The following MAF variants were observed in gnomAD, a reference collection of about 807,000 sequenced individuals.
MAF encodes the protein MAF bZIP transcription factor.
Under a neutral mutation model 22.0 loss-of-function variants are expected in MAF, and 10 were observed. The observed-to-expected ratio is 0.45, with a 90% confidence interval of 0.28 to 0.77. MAF has a LOEUF of 0.77. MAF is among the 30% of genes least tolerant of loss of function. MAF has a pLI of 0.12. For missense variants in MAF, 544 were observed against 548.4 expected (o/e 0.99, Z 0.08); for synonymous variants, 337 against 255.8 (o/e 1.32, Z -3.03).
the MAF span, among the ~76,000 whole-genome samples, chr16:79,548,442 A>C: frequency 6.6e-6 from 1 of 152,230 alleles, no homozygotes; most frequent in African/African-American, 2.4e-5. Context: ...TAACAAGGAA[A>C]AAACAGCTTT....
the MAF span, among the ~76,000 whole-genome samples, chr16:79,363,009 A>G: frequency 6.6e-6 from 1 of 152,296 alleles, no homozygotes; most frequent in African/African-American, 2.4e-5. Flanking sequence ...TTTCAACTGC[A>G]AAGTCATTTC....
chr16:79,448,186 A>C, the MAF span, among the ~76,000 whole-genome samples: 970 of 152,278 alleles, frequency 6.4e-3, 10 homozygotes, highest in Middle Eastern at 0.024. Flanking sequence ...CATGCCACAG[A>C]GAAATTGTTA....
At chr16:79,477,456 A>T in the MAF span, among the ~76,000 whole-genome samples, 1 of 152,196 alleles carries the variant, frequency 6.6e-6, no homozygotes, top group Non-Finnish European at 1.5e-5. Flanking sequence ...CATTTGCCTC[A>T]TATTCTCTTC....
the MAF span, among the ~76,000 whole-genome samples, chr16:79,413,410 AT>A: frequency 3.8e-5 from 5 of 132,108 alleles, no homozygotes; most frequent in Admixed American, 7.6e-5. Flanking sequence ...CGCCCGGCTA[AT>A]TTTTTTTTTA....
At chr16:79,499,218 G>A in the MAF span, among the ~76,000 whole-genome samples, 1 of 141,792 alleles carries the variant, frequency 7.1e-6, no homozygotes, top group Non-Finnish European at 1.5e-5. Context: ...CCTCTTTTGT[G>A]GCTGGGCTGC....
the MAF span, among the ~76,000 whole-genome samples, chr16:79,310,435 T>C: frequency 6.6e-6 from 1 of 152,170 alleles, no homozygotes; most frequent in African/African-American, 2.4e-5. Flanking sequence ...AGCCTCTTTG[T>C]AAATACGCTC....
the MAF span, among the ~76,000 whole-genome samples, chr16:79,454,468 T>C: frequency 6.6e-5 from 10 of 152,228 alleles, no homozygotes; most frequent in South Asian, 1.7e-3. Context: ...CCAACCCAGC[T>C]AGTAGCATAG....
At chr16:79,263,885 TC>T in the MAF span, among the ~76,000 whole-genome samples, 2 of 152,170 alleles carry the variant, frequency 1.3e-5, no homozygotes, top group Admixed American at 6.5e-5. Context: ...AACCACCATT[TC>T]TAGGTGGTCC....
chr16:79,595,771 A>G (rs1325444742), intron 1 of MAF: 12 of 1,056,788 alleles, frequency 1.1e-5, no homozygotes, highest in South Asian at 4.6e-5. Flanking sequence ...TGAAATCATT[A>G]CTAGCTCATC....
chr16:79,237,283 C>T, the MAF span, among the ~76,000 whole-genome samples: 6 of 152,028 alleles, frequency 3.9e-5, no homozygotes, highest in Non-Finnish European at 2.9e-5. Context: ...AGTATAAATC[C>T]CGGGCACCAT....
the MAF span, among the ~76,000 whole-genome samples, chr16:79,368,343 G>C: frequency 6.6e-6 from 1 of 152,054 alleles, no homozygotes; most frequent in South Asian, 2.1e-4. Flanking sequence ...TAGCCACAGA[G>C]GGTAGACATT....
the MAF span, among the ~76,000 whole-genome samples, chr16:79,356,850 A>G: frequency 6.6e-6 from 1 of 152,128 alleles, no homozygotes; most frequent in African/African-American, 2.4e-5. Flanking sequence ...CCTCCCTTAA[A>G]AGGCATGAAA....
At chr16:79,520,565 C>G in the MAF span, among the ~76,000 whole-genome samples, 1 of 152,140 alleles carries the variant, frequency 6.6e-6, no homozygotes, top group East Asian at 1.9e-4. Context: ...TATGGCTTCT[C>G]TTATTTACTG....
the MAF span, among the ~76,000 whole-genome samples, chr16:79,207,235 G>T: frequency 6.6e-6 from 1 of 152,226 alleles, no homozygotes; most frequent in Non-Finnish European, 1.5e-5. Context: ...AGAGTCAATG[G>T]ATAAGGTGGC....
the MAF span, among the ~76,000 whole-genome samples, chr16:79,525,396 G>C: frequency 4.6e-5 from 7 of 152,176 alleles, no homozygotes; most frequent in African/African-American, 9.6e-5. Flanking sequence ...GGAGGGGACA[G>C]AGTGGTCTTG....
the MAF span, among the ~76,000 whole-genome samples, chr16:79,233,482 G>T: frequency 6.6e-6 from 1 of 151,950 alleles, no homozygotes; most frequent in African/African-American, 2.4e-5. Flanking sequence ...TATGCAACTG[G>T]GGGCACTGTG....
At chr16:79,545,363 C>T in the MAF span, among the ~76,000 whole-genome samples, 22 of 152,170 alleles carry the variant, frequency 1.4e-4, no homozygotes, top group South Asian at 6.2e-4. Flanking sequence ...CCATGCAAAA[C>T]GACAATGCAA....
chr16:79,460,920 C>G, the MAF span, among the ~76,000 whole-genome samples: 1 of 152,050 alleles, frequency 6.6e-6, no homozygotes, highest in African/African-American at 2.4e-5. Context: ...ACATTTTATT[C>G]TTTTTCTTTC....
chr16:79,208,320 C>T, the MAF span, among the ~76,000 whole-genome samples: 1 of 152,094 alleles, frequency 6.6e-6, no homozygotes, highest in African/African-American at 2.4e-5. Context: ...AGACACCTCC[C>T]CCGTTTCCCA....
Sources: allele counts gnomAD v4.1 joint callset (sites outside exome capture counted in the v4.1 genomes callset), GRCh38; gene constraint gnomAD v4.1.1; transcripts MANE v1.5; gene names NCBI Gene and HGNC (gene_info 2026-07-23, HGNC 2026-07-21).